The following SPTBN4 variants were observed in gnomAD, a reference collection of about 807,000 sequenced individuals.
The protein encoded by SPTBN4 is spectrin beta chain, non-erythrocytic 4.
SPTBN4 carries 96 observed loss-of-function variants against 277.8 expected under a neutral mutation model. The observed-to-expected ratio is 0.35, with a 90% CI of 0.29 to 0.41. The LOEUF (loss-of-function observed/expected upper bound fraction) is 0.41, where lower values mean the gene tolerates loss of function less well. Among genes scored for constraint, SPTBN4 ranks in the 10% least tolerant of loss-of-function variants. The pLI is 1.00. For missense variants in SPTBN4, 3,006 were observed against 3,595.7 expected, an observed-to-expected ratio of 0.84 and a Z score of 4.19; for synonymous variants, 1,481 against 1,580.3, an observed-to-expected ratio of 0.94 and a Z score of 1.49.
chr19:40,470,779 C>G (rs1039797187), intron 1 of SPTBN4, among the ~76,000 whole-genome samples: 1 of 150,822 alleles, frequency 6.6e-6, no homozygotes, highest in African/African-American at 2.4e-5. Flanking sequence ...ATTACAGTAG[C>G]CCGAAACCAC....
In SPTBN4 at chr19:40,492,976, A is replaced by G. The variant is rs776576123; in HGVS notation, c.509A>G (p.Lys170Arg). ...IILRFQIQVI[K>R]IETEDNRETR... Reference sequence around the variant, plus strand: ...GTATCTTCACAGATTCAAGTCATCAAAATTGAGACTGAGGACAACAGAGAG... The same window carrying G: ...GTATCTTCACAGATTCAAGTCATCAGAATTGAGACTGAGGACAACAGAGAG... The change falls in exon 5 of 36, where the codon AAA becomes AGA. Residue 170 changes from lysine to arginine, a missense_variant. By Grantham distance (26) the Lys-to-Arg change is conservative. Around this residue, in one of 5 missense-constraint regions of SPTBN4, gnomAD observed 114 missense variants for 196.1 expected, o/e 0.58. Transcript: ENST00000598249. 134 of 1,613,930 alleles carry G rather than the reference A, an allele frequency of 8.3e-5. No individual in the cohort carries two copies. The highest frequency in any genetic ancestry group is 7.1e-5 in the Non-Finnish European group (84 of 1,179,968).
intron 18 of SPTBN4, chr19:40,530,589 A>G: frequency 1.0e-6 from 1 of 978,708 alleles, no homozygotes; most frequent in Non-Finnish European, 1.2e-6. Flanking sequence ...CTGCCGCTTC[A>G]GGTCTCGGGG....
intron 15 of SPTBN4, among the ~76,000 whole-genome samples, chr19:40,518,635 G>T (rs2080486955): frequency 6.6e-6 from 1 of 152,054 alleles, no homozygotes; most frequent in African/African-American, 2.4e-5. Flanking sequence ...TGTTGCCCAG[G>T]CTGCTCTCCA....
In SPTBN4 at chr19:40,568,245, G is replaced by A; in HGVS notation, c.6919G>A (p.Glu2307Lys). The A allele has an allele frequency of 1.2e-6, 2 of 1,602,194 alleles. No individual in the cohort carries two copies. Among genetic ancestry groups the A allele is most frequent in the Non-Finnish European group, 1.7e-6 (2 of 1,174,908 alleles). The change falls in exon 31 of 36, where the codon GAA becomes AAA. Residue 2307 changes from glutamate to lysine, a missense_variant. This residue lies in a region of SPTBN4 where 630 missense variants were observed against 677.6 expected (regional missense o/e 0.93). Coordinates refer to ENST00000598249, the MANE Select transcript of SPTBN4 (RefSeq NM_020971.3). ...GCGCTTGGAGCGGCAGGAGTCCAGC[G>A]AACAGGAGATGCCCATCAGAGGAGA... ...ERRLERQESS[E>K]QEMPIRGDLV...
intron 12 of SPTBN4, among the ~76,000 whole-genome samples, chr19:40,506,015 G>A (rs975213895): frequency 6.6e-6 from 1 of 152,200 alleles, no homozygotes; most frequent in Non-Finnish European, 1.5e-5. Context: ...AGCTGTGAGA[G>A]CTGACAGCAG....
intron 35 of SPTBN4, among the ~76,000 whole-genome samples, chr19:40,575,063 A>T (rs921327837): frequency 9.2e-5 from 14 of 151,742 alleles, no homozygotes; most frequent in Non-Finnish European, 1.5e-4. Flanking sequence ...TGTGAGAATT[A>T]AATTGCTCCA....
At position 40,568,167 on chromosome 19, in the gene SPTBN4, C is replaced by G; in HGVS notation, c.6841C>G (p.Leu2281Val). The G allele has an allele frequency of 6.3e-7, 1 of 1,585,514 alleles. No homozygotes were observed. Among genetic ancestry groups the G allele is most frequent in the Admixed American group, 1.8e-5 (1 of 55,006 alleles). ...AGCGGAGCACGAGGCGGCACACAGC[C>G]TTACCCTGGGCCGCTATGAGCAGAT... The part of the protein sequence containing the change: ...ESAEHEAAHS[L>V]TLGRYEQMER... The change falls in exon 31 of 36, where the codon CTT becomes GTT. Residue 2281 changes from leucine (L) to valine (V), a missense_variant. Physicochemically the swap from Leu to Val is conservative, Grantham distance 32. Coordinates refer to ENST00000598249, the MANE Select transcript of SPTBN4 (RefSeq NM_020971.3).
chr19:40,504,148 C>T lies in SPTBN4; in HGVS notation c.1665+16C>T, dbSNP rs368137619. 1.6e-4 allele frequency: 103 copies of T among 645,970 alleles called. 4 individuals carry two copies. Among genetic ancestry groups the T allele is most frequent in the Non-Finnish European group, 1.5e-4 (69 of 471,502 alleles). 40.0% of individuals were successfully genotyped at this position (645,970 alleles called of 1,614,324 possible). Reference sequence around the variant, plus strand: ...GGAGATGCAGGTGCCGGCGGGGGGGCGGGGATGCGGGTGGAGTGCCAGGAG... The same window carrying T: ...GGAGATGCAGGTGCCGGCGGGGGGGTGGGGATGCGGGTGGAGTGCCAGGAG... On this transcript the variant is annotated intron_variant, in intron 12 of 35. Transcript: ENST00000598249.
intron 20 of SPTBN4, among the ~76,000 whole-genome samples, chr19:40,539,353 G>A (rs889952789): frequency 2.2e-4 from 33 of 152,264 alleles, no homozygotes; most frequent in African/African-American, 6.8e-4. Flanking sequence ...GCAGGAGTGT[G>A]GGAAGCAGCA....
At chr19:40,540,182 C>T (rs1043897748) in intron 20 of SPTBN4, among the ~76,000 whole-genome samples, 1 of 152,140 alleles carries the variant, frequency 6.6e-6, no homozygotes, top group African/African-American at 2.4e-5. Flanking sequence ...CCGCCTCGGC[C>T]TCCCAAAGTG....
intron 1 of SPTBN4, among the ~76,000 whole-genome samples, chr19:40,469,038 A>G (rs1016067931): frequency 3.9e-5 from 6 of 152,020 alleles, no homozygotes; most frequent in Admixed American, 3.9e-4. Flanking sequence ...GTTGGAGGCT[A>G]CAGGGAGCTA....
chr19:40,504,709 G>A (rs995595495), intron 12 of SPTBN4, among the ~76,000 whole-genome samples: 8 of 151,966 alleles, frequency 5.3e-5, no homozygotes, highest in African/African-American at 1.4e-4. Flanking sequence ...TTAGCTGGGC[G>A]TGGTGGCGTG....
In SPTBN4 at chr19:40,555,285, A is replaced by G. The variant is rs1054679054; in HGVS notation, c.5084+639A>G. 4 of 152,130 alleles carry G rather than the reference A, an allele frequency of 2.6e-5. No individual in the cohort carries two copies. The East Asian group carries it at 7.7e-4, about 29-fold the overall frequency. 9.4% of individuals were successfully genotyped at this position (152,130 alleles called of 1,614,324 possible). On this transcript the variant is annotated intron_variant, in intron 24 of 35. Transcript: ENST00000598249. The stretch of plus-strand genomic sequence containing the variant: ...GGTGGGCGGATCACTTGAGGTCAGG[A>G]GTTGGAGACCAGCTTGGCCAACATG...
intron 25 of SPTBN4, among the ~76,000 whole-genome samples, chr19:40,556,792 G>A (rs915101736): frequency 6.6e-6 from 1 of 152,198 alleles, no homozygotes. Context: ...GCTGGGTGTG[G>A]TGGCACATGC....
intron 34 of SPTBN4, 44 bp downstream of exon 34, chr19:40,572,236 T>G (rs374975896): frequency 2.2e-5 from 35 of 1,598,612 alleles, no homozygotes; most frequent in Non-Finnish European, 3.0e-5. Flanking sequence ...AAGGCTCAGC[T>G]TCAACTCCCA....
intron 2 of SPTBN4, among the ~76,000 whole-genome samples, chr19:40,483,712 C>T (rs1333226075): frequency 1.3e-5 from 2 of 152,072 alleles, no homozygotes; most frequent in Non-Finnish European, 2.9e-5. Context: ...TATTCCTCTG[C>T]CTTCTAACAG....
chr19:40,551,399 TCACA>T (rs71173651), intron 22 of SPTBN4, among the ~76,000 whole-genome samples: 51,729 of 140,322 alleles, frequency 0.37, 9,681 homozygotes, highest in African/African-American at 0.51. Flanking sequence ...TCTCTCTCTC[TCACA>T]CACACACACA....
chr19:40,554,944 C>A lies in SPTBN4; in HGVS notation c.5084+298C>A, dbSNP rs1410399368. ...TAGAGAAGAATTTACTCAGGACAGG[C>A]AAGGGGCTCTTTCTACTCAGTGTCT... On this transcript the variant is annotated intron_variant, in intron 24 of 35. Transcript: ENST00000598249. The surrounding 1 kb of genome is among the most constrained non-coding windows in gnomAD (Gnocchi z 5.7). 3 of 343,530 alleles carry A rather than the reference C, an allele frequency of 8.7e-6. No homozygotes were observed. Among genetic ancestry groups the A allele is most frequent in the Non-Finnish European group, 1.6e-5 (3 of 182,634 alleles). 21.3% of individuals were successfully genotyped at this position (343,530 alleles called of 1,614,324 possible).
chr19:40,572,530 C>A, intron 35 of SPTBN4, 150 bp downstream of exon 35: 1 of 983,996 alleles, frequency 1.0e-6, no homozygotes, highest in Non-Finnish European at 1.5e-6. Flanking sequence ...GCACTGAGAG[C>A]CCAAAGGAGG....
Sources: allele counts gnomAD v4.1 joint callset (sites outside exome capture counted in the v4.1 genomes callset), GRCh38; gene constraint gnomAD v4.1.1; regional missense constraint gnomAD v4.1.1; non-coding constraint Gnocchi (gnomAD v3.1); transcripts MANE v1.5; gene names NCBI Gene and HGNC (gene_info 2026-07-23, HGNC 2026-07-21).